Variants in ZBED4 observed in about 807,000 individuals in gnomAD.
ZBED4 encodes zinc finger BED-type containing 4, also known as zinc finger BED domain-containing protein 4.
Under a neutral mutation model 15.5 loss-of-function variants are expected in ZBED4, and 4 were observed. The observed-to-expected ratio is 0.26, with a 90% CI of 0.13 to 0.59. The LOEUF is 0.59. ZBED4 is among the 20% of genes least tolerant of loss of function. The probability of loss-of-function intolerance (pLI) is 0.90; values close to 1 mark genes in which losing one functional copy is unlikely to be tolerated. For synonymous variants in ZBED4, 692 were observed against 608.5 expected (o/e 1.14, Z -2.02); for missense variants, 1,323 against 1,461.8 (o/e 0.91, Z 1.55).
At position 49,886,469 on chromosome 22, in the gene ZBED4, C is replaced by T. The variant is rs759298450; in HGVS notation, c.2807C>T (p.Ala936Val). Residue 936 changes from alanine to valine, a missense_variant, in exon 2 of 2, where the codon GCG (alanine) becomes GTG (valine). Around this residue, in one of 6 missense-constraint regions of ZBED4, gnomAD observed 312 missense variants for 410.7 expected, o/e 0.76. Transcript: ENST00000216268. The surrounding 1 kb of genome is among the most constrained non-coding windows in gnomAD (Gnocchi z 7.7). ...GAGGTCATGCAGTCCGTGTGCCGTG[C>T]GCTAAAGCCCTTCGAGGCTGCGAGC... ...QWEVMQSVCRALKPFEAASRE... is the reference protein window; with the variant it reads ...QWEVMQSVCRVLKPFEAASRE... 49 of 1,569,126 alleles carry T rather than the reference C, an allele frequency of 3.1e-5. No homozygotes were observed. Among genetic ancestry groups the T allele is most frequent in the Admixed American group, 2.4e-4 (13 of 53,824 alleles).
chr22:49,879,308 G>A (rs1278182270), intron 1 of ZBED4, among the ~76,000 whole-genome samples: 2 of 147,920 alleles, frequency 1.4e-5, no homozygotes, highest in Non-Finnish European at 3.0e-5. Context: ...TGTATTTTTA[G>A]TAGAGACCAG....
At chr22:49,875,467 C>T (rs2060371719) in intron 1 of ZBED4, among the ~76,000 whole-genome samples, 1 of 149,412 alleles carries the variant, frequency 6.7e-6, no homozygotes. Flanking sequence ...GTCACCCAGG[C>T]TGGAGTACAG....
In ZBED4 at chr22:49,883,569, A is replaced by C; in HGVS notation, c.-94A>C. The stretch of plus-strand genomic sequence containing the variant: ...ATCCTGAAAGATGGAATTATGACGA[A>C]AAAGTGAAGATAATCTACATTCGGG... On this transcript the variant is annotated 5_prime_UTR_variant, in exon 2 of 2. Transcript: ENST00000216268. 7.0e-7 allele frequency: 1 copy of C among 1,428,676 alleles called. No individual in the cohort carries two copies. Among genetic ancestry groups the C allele is most frequent in the African/African-American group, 1.5e-5 (1 of 66,638 alleles). The allele number at this position is 1,428,676 out of a possible 1,614,324, so 88.5% of individuals were successfully genotyped here.
chr22:49,858,291 A>G (rs1263401453), intron 1 of ZBED4, among the ~76,000 whole-genome samples: 1 of 152,152 alleles, frequency 6.6e-6, no homozygotes, highest in African/African-American at 2.4e-5. Context: ...GTGGCAGTTG[A>G]TGCTGCTGTG....
At position 49,883,510 on chromosome 22, in the gene ZBED4, A is replaced by G; in HGVS notation, c.-153A>G. The G allele has an allele frequency of 2.8e-6, 3 of 1,077,192 alleles. No homozygotes were observed. Among genetic ancestry groups the G allele is most frequent in the Non-Finnish European group, 3.8e-6 (3 of 785,236 alleles). 66.7% of individuals were successfully genotyped at this position (1,077,192 alleles called of 1,614,324 possible). On this transcript the variant is annotated 5_prime_UTR_variant, in exon 2 of 2. Coordinates refer to ENST00000216268, the MANE Select transcript of ZBED4 (RefSeq NM_014838.3). ...CCATGAGTCACAGATTCTTTTTTTC[A>G]GTACTATTTATGATTAGCCATATTT...
chr22:49,867,082 AT>A (rs2060325370), intron 1 of ZBED4, among the ~76,000 whole-genome samples: 1 of 152,280 alleles, frequency 6.6e-6, no homozygotes, highest in South Asian at 2.1e-4. Flanking sequence ...GCTGCATCTC[AT>A]CCATTTGGTG....
chr22:49,854,275 G>C (rs2060265400), intron 1 of ZBED4, among the ~76,000 whole-genome samples: 1 of 150,504 alleles, frequency 6.6e-6, no homozygotes, highest in Admixed American at 6.6e-5. Context: ...CCGCGCCGTT[G>C]CTTCCGGGCG....
chr22:49,884,077 T>C lies in ZBED4; in HGVS notation c.415T>C (p.Cys139Arg). ...CAGCACTAAAGCAATATGCATGTAC[T>C]GTGTGAAGGAGTTCAGCAGAGGCAA... ...RDSTKAICMY[C>R]VKEFSRGKNE... Residue 139 changes from cysteine to arginine, a missense_variant, in exon 2 of 2, where the codon TGT becomes CGT. Transcript: ENST00000216268. 6.2e-7 allele frequency: 1 copy of C among 1,610,126 alleles called. No homozygotes were observed. The highest frequency in any genetic ancestry group is 8.5e-7 in the Non-Finnish European group (1 of 1,178,504).
intron 1 of ZBED4, among the ~76,000 whole-genome samples, chr22:49,861,225 G>A (rs1399086814): frequency 6.6e-6 from 1 of 151,218 alleles, no homozygotes; most frequent in Non-Finnish European, 1.5e-5. Flanking sequence ...ATGAGATGGA[G>A]TCTCGCTCTG....
At chr22:49,867,263 A>G (rs527972886) in intron 1 of ZBED4, among the ~76,000 whole-genome samples, 75 of 152,154 alleles carry the variant, frequency 4.9e-4, no homozygotes, top group Non-Finnish European at 8.8e-4. Flanking sequence ...GAGGACTTGT[A>G]TAGTTTCAGT....
intron 1 of ZBED4, among the ~76,000 whole-genome samples, chr22:49,873,573 C>T (rs1026674944): frequency 9.2e-5 from 14 of 152,154 alleles, no homozygotes; most frequent in Admixed American, 2.6e-4. Context: ...AGGTGGAGAG[C>T]CCCTGCTGTT....
In ZBED4 at chr22:49,884,431, C is replaced by G; in HGVS notation, c.769C>G (p.His257Asp). ...AGAAGCCCTGGTGGGGTCGTCTCCC[C>G]ACCTCCCTGCTCTCCATTACGATGA... ...REEALVGSSP[H>D]LPALHYDEPA... is the part of the protein sequence containing the mutation. Residue 257 changes from histidine (H) to aspartate (D), a missense_variant, in exon 2 of 2, where the codon CAC becomes GAC. His to Asp is a moderately conservative substitution (Grantham distance 81, BLOSUM62 -1). Coordinates refer to ENST00000216268, the MANE Select transcript of ZBED4 (RefSeq NM_014838.3). The G allele has an allele frequency of 6.2e-7, 1 of 1,614,068 alleles. No individual in the cohort carries two copies. The highest frequency in any genetic ancestry group is 8.5e-7 in the Non-Finnish European group (1 of 1,179,946).
At chr22:49,857,452 G>A (rs902833666) in intron 1 of ZBED4, among the ~76,000 whole-genome samples, 2 of 152,210 alleles carry the variant, frequency 1.3e-5, no homozygotes, top group African/African-American at 2.4e-5. Flanking sequence ...TAGCGTGGTC[G>A]CTGGCTTGCT....
rs185764721 is a variant in ZBED4 at position 49,886,706 on chromosome 22, C to T, written c.3044C>T (p.Ser1015Phe). The part of the protein sequence containing the change: ...ATLLDPRYKA[S>F]LFTEEEAEQY... ...CTGCTGGATCCTCGCTACAAGGCCT[C>T]CCTGTTTACGGAGGAGGAGGCGGAG... Residue 1015 changes from serine (S) to phenylalanine (F), a missense_variant, in exon 2 of 2, where the codon TCC (serine) becomes TTC (phenylalanine). Physicochemically the swap from Ser to Phe is radical, Grantham distance 155. Coordinates refer to ENST00000216268, the MANE Select transcript of ZBED4 (RefSeq NM_014838.3). The surrounding 1 kb of genome is among the most constrained non-coding windows in gnomAD (Gnocchi z 7.7). The T allele has an allele frequency of 5.6e-6, 9 of 1,613,290 alleles. No individual in the cohort carries two copies. The Admixed American group carries it at 1.5e-4, about 27-fold the overall frequency.
Position 49,884,605 on chromosome 22 carries a change from C to A in ZBED4, c.943C>A (p.Arg315=). The change falls in exon 2 of 2, where the codon CGG becomes AGG. Residue 315 remains arginine (R), a synonymous_variant. Transcript: ENST00000216268. ...VCIHCMNEFS[R]GKNGKDLGTS... The stretch of plus-strand genomic sequence containing the variant: ...CATTCACTGCATGAACGAGTTCAGC[C>A]GGGGGAAGAATGGGAAGGACCTGGG... 2 of 1,612,252 alleles carry A rather than the reference C, an allele frequency of 1.2e-6. No individual in the cohort carries two copies. The highest frequency in any genetic ancestry group is 1.1e-5 in the South Asian group (1 of 90,768).
chr22:49,854,795 G>A (rs1170419199), intron 1 of ZBED4, among the ~76,000 whole-genome samples: 1 of 152,178 alleles, frequency 6.6e-6, no homozygotes. Context: ...TGGTGTTCTC[G>A]TGTTGGTCGA....
At chr22:49,859,722 T>A (rs2060288993) in intron 1 of ZBED4, among the ~76,000 whole-genome samples, 1 of 152,218 alleles carries the variant, frequency 6.6e-6, no homozygotes, top group Non-Finnish European at 1.5e-5. Flanking sequence ...TAATTTTAAT[T>A]TTCATTAAAA....
At chr22:49,874,404 T>TA in intron 1 of ZBED4, among the ~76,000 whole-genome samples, 1 of 151,570 alleles carries the variant, frequency 6.6e-6, no homozygotes, top group South Asian at 2.1e-4. Flanking sequence ...TTTTTTTTTT[T>TA]AGATGGAGTC....
intron 1 of ZBED4, among the ~76,000 whole-genome samples, chr22:49,857,316 T>C (rs2060278743): frequency 6.6e-6 from 1 of 152,222 alleles, no homozygotes; most frequent in African/African-American, 2.4e-5. Context: ...CCCCAAGGTA[T>C]GGGTACACGG....
Sources: gnomAD v4.1 joint callset for allele counts (sites outside exome capture counted in the v4.1 genomes callset) on GRCh38, gnomAD v4.1.1 for gene constraint, gnomAD v4.1.1 regional missense constraint, Gnocchi (gnomAD v3.1) non-coding constraint, MANE v1.5 for transcripts, NCBI Gene and HGNC (gene_info 2026-07-23, HGNC 2026-07-21) for gene names.